ADAMTS12: variants seen among roughly 807,000 people sequenced by gnomAD.
ADAMTS12 encodes the protein ADAM metallopeptidase with thrombospondin type 1 motif 12.
ADAMTS12 carries 118 observed loss-of-function variants against 167.8 expected under a neutral mutation model. The observed-to-expected ratio is 0.70, with a 90% CI of 0.61 to 0.82. ADAMTS12 has a LOEUF of 0.82. Ranked by LOEUF, ADAMTS12 falls within the 40% of genes least tolerant of loss-of-function variation. The pLI is 0.00. For synonymous variants in ADAMTS12, 704 were observed against 716.9 expected, an observed-to-expected ratio of 0.98 and a Z score of 0.29; for missense variants, 1,916 against 1,998.8, an observed-to-expected ratio of 0.96 and a Z score of 0.79.
At chr5:33,886,157 G>T (rs2111796688) in intron 1 of ADAMTS12, among the ~76,000 whole-genome samples, 1 of 152,292 alleles carries the variant, frequency 6.6e-6, no homozygotes, top group Non-Finnish European at 1.5e-5. Flanking sequence ...AAAGACTAAA[G>T]TTTGCCTATG....
chr5:33,750,533 A>G (rs1443731315), intron 3 of ADAMTS12, among the ~76,000 whole-genome samples: 2 of 152,068 alleles, frequency 1.3e-5, no homozygotes, highest in Non-Finnish European at 2.9e-5. Context: ...TTTGAGGTCC[A>G]TTGTTTCCAA....
intron 16 of ADAMTS12, among the ~76,000 whole-genome samples, chr5:33,600,290 T>C (rs1738124388): frequency 6.0e-5 from 1 of 16,530 alleles, no homozygotes; most frequent in South Asian, 3.9e-3. Flanking sequence ...GTCAACTAAG[T>C]GCCTTTAAAA....
intron 20 of ADAMTS12, among the ~76,000 whole-genome samples, chr5:33,557,241 T>C (rs1244450441): frequency 6.6e-6 from 1 of 152,158 alleles, no homozygotes; most frequent in African/African-American, 2.4e-5. Flanking sequence ...GGAGGAGAGA[T>C]TGCTGGAATA....
In ADAMTS12 at chr5:33,598,848, C is replaced by T. The variant is rs1487136603; in HGVS notation, c.2528-2788G>A. Among the ~76,000 whole-genome samples the T allele has an allele frequency of 2.0e-5, 3 of 152,340 alleles. No homozygotes were observed. In the East Asian group the frequency reaches 5.8e-4, roughly 29 times the overall value. On this transcript the variant is annotated intron_variant, in intron 16 of 23. Transcript: ENST00000504830. Reference sequence around the variant, plus strand: ...TCACTGAGACACAGAGTCTAATTCTCCTGGCCTTGAACTAAATGCAGAAGT... The same window carrying T: ...TCACTGAGACACAGAGTCTAATTCTTCTGGCCTTGAACTAAATGCAGAAGT...
At chr5:33,531,221 A>G (rs1245465536) in intron 23 of ADAMTS12, among the ~76,000 whole-genome samples, 1 of 152,180 alleles carries the variant, frequency 6.6e-6, no homozygotes, top group African/African-American at 2.4e-5. Context: ...CCCTACTAAT[A>G]CCTTGATTTT....
chr5:33,690,403 G>T (rs1201205282), intron 3 of ADAMTS12, among the ~76,000 whole-genome samples: 1 of 151,740 alleles, frequency 6.6e-6, no homozygotes, highest in Non-Finnish European at 1.5e-5. Flanking sequence ...GAAACTGCTA[G>T]ATCCCCAAAA....
intron 18 of ADAMTS12, among the ~76,000 whole-genome samples, chr5:33,586,562 C>T (rs1747363154): frequency 6.6e-6 from 1 of 152,164 alleles, no homozygotes; most frequent in Non-Finnish European, 1.5e-5. Flanking sequence ...ACTACGCTTC[C>T]CATAAACGTG....
Position 33,531,976 on chromosome 5 carries a change from A to C in ADAMTS12, c.4606+2857T>G, listed in dbSNP as rs149300485. On this transcript the variant is annotated intron_variant, in intron 23 of 23. Transcript: ENST00000504830. The stretch of plus-strand genomic sequence containing the variant: ...TGAGCCCAACATGATGACAGGGCTC[A>C]ATTACATCAGTTCTCCCTATTGCTG... 2.6e-5 allele frequency among the ~76,000 whole-genome samples: 4 copies of C among 152,330 alleles called. No individual in the cohort carries two copies. In the East Asian group the frequency reaches 7.7e-4, roughly 29 times the overall value.
chr5:33,562,950 TTA>T (rs1745818797), intron 19 of ADAMTS12, among the ~76,000 whole-genome samples: 1 of 152,170 alleles, frequency 6.6e-6, no homozygotes, highest in African/African-American at 2.4e-5. Context: ...CCATATAATT[TTA>T]TGTTTCATTT....
chr5:33,800,475 C>G (rs1467436063), intron 2 of ADAMTS12, among the ~76,000 whole-genome samples: 1 of 152,180 alleles, frequency 6.6e-6, no homozygotes, highest in Non-Finnish European at 1.5e-5. Context: ...AAGATTTTCT[C>G]ACAGAACTAT....
intron 7 of ADAMTS12, among the ~76,000 whole-genome samples, chr5:33,655,628 T>TAATTTAATTTAATTTA (rs70964409): frequency 0.031 from 4,515 of 145,722 alleles, 129 homozygotes; most frequent in African/African-American, 0.058. Context: ...TAGTTTTATT[T>TAATTTAATTTAATTTA]ATTTAATTTA....
intron 19 of ADAMTS12, among the ~76,000 whole-genome samples, chr5:33,573,311 A>C (rs1309987637): frequency 6.6e-6 from 1 of 152,172 alleles, no homozygotes; most frequent in African/African-American, 2.4e-5. Flanking sequence ...AAGCCAAAAG[A>C]ACAAAGCCAG....
chr5:33,599,346 A>C (rs913794221), intron 16 of ADAMTS12, among the ~76,000 whole-genome samples: 2 of 152,162 alleles, frequency 1.3e-5, no homozygotes, highest in Non-Finnish European at 2.9e-5. Flanking sequence ...TTGGCTTGCT[A>C]TAGTCCAACC....
chr5:33,736,583 G>A (rs1434783941), intron 3 of ADAMTS12, among the ~76,000 whole-genome samples: 5 of 152,198 alleles, frequency 3.3e-5, no homozygotes, highest in African/African-American at 1.2e-4. Context: ...CACACAGAAA[G>A]TAACCTCGAC....
At chr5:33,879,425 C>T (rs1750345886) in intron 2 of ADAMTS12, among the ~76,000 whole-genome samples, 1 of 152,050 alleles carries the variant, frequency 6.6e-6, no homozygotes, top group Non-Finnish European at 1.5e-5. Context: ...GGACCAGGTG[C>T]CATAATGCTT....
At chr5:33,712,518 G>A (rs1006363542) in intron 3 of ADAMTS12, among the ~76,000 whole-genome samples, 19 of 152,070 alleles carry the variant, frequency 1.2e-4, no homozygotes, top group Admixed American at 1.1e-3. Flanking sequence ...GGATACGTTG[G>A]CAACACTAAG....
chr5:33,532,987 T>C (rs1744191477), intron 23 of ADAMTS12, among the ~76,000 whole-genome samples: 1 of 152,258 alleles, frequency 6.6e-6, no homozygotes, highest in South Asian at 2.1e-4. Flanking sequence ...TGAGTAGGCA[T>C]GGCTCTGCCT....
intron 3 of ADAMTS12, among the ~76,000 whole-genome samples, chr5:33,741,005 T>C (rs1744556011): frequency 6.6e-6 from 1 of 152,220 alleles, no homozygotes; most frequent in Non-Finnish European, 1.5e-5. Flanking sequence ...ACCCCAAGCA[T>C]GGAACTCTTT....
At chr5:33,565,603 T>A (rs1299198577) in intron 19 of ADAMTS12, among the ~76,000 whole-genome samples, 3 of 152,122 alleles carry the variant, frequency 2.0e-5, no homozygotes, top group Non-Finnish European at 4.4e-5. Context: ...GAGCCAATAT[T>A]CTTTTTCTAG....
Sources: allele counts gnomAD v4.1 joint callset (sites outside exome capture counted in the v4.1 genomes callset), GRCh38; gene constraint gnomAD v4.1.1; transcripts MANE v1.5; gene names NCBI Gene and HGNC (gene_info 2026-07-23, HGNC 2026-07-21).